DNM3: variants seen among roughly 807,000 people sequenced by gnomAD.
The protein encoded by DNM3 is dynamin-3.
DNM3 carries 47 observed loss-of-function variants against 101.6 expected under a neutral mutation model. That is an observed-to-expected ratio of 0.46 (90% CI 0.37 to 0.59). DNM3 has a LOEUF of 0.59. Ranked by LOEUF, DNM3 falls within the 20% of genes least tolerant of loss-of-function variation. The probability of loss-of-function intolerance (pLI) is 0.00; values close to 1 mark genes in which losing one functional copy is unlikely to be tolerated. For missense variants in DNM3, 849 were observed against 1,085.7 expected, an observed-to-expected ratio of 0.78 and a Z score of 3.06; for synonymous variants, 385 against 387.9, an observed-to-expected ratio of 0.99 and a Z score of 0.09.
chr1:172,338,981 A>G, intron 17 of DNM3: 1 of 433,656 alleles, frequency 2.3e-6, no homozygotes, highest in Non-Finnish European at 4.5e-6. Context: ...AATAATATTA[A>G]CTTGTTCAAA....
rs539947753 is a variant in DNM3, at chr1:172,364,136, T to C, written c.1894-14882T>C. On this transcript the variant is annotated intron_variant, in intron 17 of 20. Coordinates refer to ENST00000627582, the MANE Select transcript of DNM3 (RefSeq NM_015569.5). ...TTAGGTGCAGAAACTGTGCTGTGAC[T>C]TTCCCTTTAATCTCCAAAGAAACCT... Among the ~76,000 whole-genome samples, 7 of 152,074 alleles carry C rather than the reference T, an allele frequency of 4.6e-5. No homozygotes were observed. The South Asian group carries it at 1.4e-3, about 31-fold the overall frequency.
At chr1:172,197,502 A>G (rs181398545) in intron 14 of DNM3, among the ~76,000 whole-genome samples, 7 of 152,264 alleles carry the variant, frequency 4.6e-5, no homozygotes, top group Middle Eastern at 3.4e-3. Context: ...TTTGGGCAGT[A>G]TAACCATTTT....
At chr1:171,956,728 A>T (rs2042884034) in intron 2 of DNM3, among the ~76,000 whole-genome samples, 1 of 152,156 alleles carries the variant, frequency 6.6e-6, no homozygotes, top group Non-Finnish European at 1.5e-5. Flanking sequence ...GAGGTTCTCC[A>T]TGAGGGCCCT....
intron 10 of DNM3, among the ~76,000 whole-genome samples, chr1:172,051,546 A>C (rs1205101211): frequency 6.6e-6 from 1 of 152,162 alleles, no homozygotes; most frequent in Non-Finnish European, 1.5e-5. Context: ...TTTACTAGGA[A>C]ATTGTAAACC....
At chr1:171,936,331 A>C (rs1023985482) in intron 2 of DNM3, among the ~76,000 whole-genome samples, 1 of 149,642 alleles carries the variant, frequency 6.7e-6, no homozygotes, top group Non-Finnish European at 1.5e-5. Context: ...AGCCTAGGTG[A>C]CAGAGTGAGA....
At chr1:171,883,534 C>G (rs1020486560) in intron 1 of DNM3, among the ~76,000 whole-genome samples, 1 of 151,542 alleles carries the variant, frequency 6.6e-6, no homozygotes, top group African/African-American at 2.4e-5. Context: ...TGTAATAGCG[C>G]GATCTCGGCT....
intron 1 of DNM3, among the ~76,000 whole-genome samples, chr1:171,881,704 A>G (rs2036282995): frequency 6.6e-6 from 1 of 152,240 alleles, no homozygotes. Context: ...GCTAACACCC[A>G]GAGTGTCTGA....
chr1:172,212,368 C>T (rs1201421019), intron 14 of DNM3, among the ~76,000 whole-genome samples: 1 of 152,124 alleles, frequency 6.6e-6, no homozygotes, highest in African/African-American at 2.4e-5. Flanking sequence ...TCATATGAGC[C>T]AATTGTCAGG....
At chr1:171,897,456 A>G (rs750570572) in intron 1 of DNM3, among the ~76,000 whole-genome samples, 1 of 152,198 alleles carries the variant, frequency 6.6e-6, no homozygotes, top group Non-Finnish European at 1.5e-5. Context: ...CTACTCCACA[A>G]ATGTCAAGGA....
chr1:171,994,965 G>A (rs1441234244), intron 4 of DNM3, among the ~76,000 whole-genome samples: 1 of 151,822 alleles, frequency 6.6e-6, no homozygotes, highest in African/African-American at 2.4e-5. Flanking sequence ...TCCCCTCCAG[G>A]GGTTTCTAGG....
At chr1:172,365,324 A>G (rs567207388) in intron 17 of DNM3, among the ~76,000 whole-genome samples, 1 of 152,044 alleles carries the variant, frequency 6.6e-6, no homozygotes, top group South Asian at 2.1e-4. Context: ...AAGGTTGGCC[A>G]TGTGGTGAAT....
At chr1:171,914,775 A>G (rs1040432055) in intron 1 of DNM3, among the ~76,000 whole-genome samples, 1 of 152,206 alleles carries the variant, frequency 6.6e-6, no homozygotes, top group East Asian at 1.9e-4. Context: ...TTATGACTAT[A>G]TGGAACAATG....
intron 12 of DNM3, among the ~76,000 whole-genome samples, chr1:172,085,914 C>T (rs16843816): frequency 0.037 from 5,607 of 152,082 alleles, 250 homozygotes; most frequent in East Asian, 0.14. Flanking sequence ...GGAATCAAAA[C>T]TTAGGTATTG....
intron 17 of DNM3, among the ~76,000 whole-genome samples, chr1:172,351,622 T>G (rs912320284): frequency 6.6e-6 from 1 of 152,308 alleles, no homozygotes; most frequent in Middle Eastern, 3.4e-3. Flanking sequence ...AAAATAAGTT[T>G]GGATGTTTTC....
chr1:171,872,970 G>A (rs1424234897), intron 1 of DNM3, among the ~76,000 whole-genome samples: 1 of 152,162 alleles, frequency 6.6e-6, no homozygotes, highest in Admixed American at 6.5e-5. Context: ...TAAGATTGAA[G>A]GAGGAGCAGA....
chr1:171,941,548 C>T (rs1027857835), intron 2 of DNM3, among the ~76,000 whole-genome samples: 1 of 152,182 alleles, frequency 6.6e-6, no homozygotes, highest in Non-Finnish European at 1.5e-5. Flanking sequence ...CCCTCTTCCT[C>T]TTTGTGCCGC....
intron 15 of DNM3, among the ~76,000 whole-genome samples, chr1:172,262,564 C>G (rs1299073471): frequency 6.6e-6 from 1 of 152,222 alleles, no homozygotes; most frequent in Non-Finnish European, 1.5e-5. Context: ...TCCAGACCCT[C>G]AGCTGATCCA....
chr1:172,353,255 A>C lies in DNM3; in HGVS notation c.1894-25763A>C, dbSNP rs547825338. Among the ~76,000 whole-genome samples, 11 of 152,284 alleles carry C rather than the reference A, an allele frequency of 7.2e-5. No homozygotes were observed. In the South Asian group the frequency reaches 1.9e-3, roughly 26 times the overall value. Reference sequence around the variant, plus strand: ...TCACTCTCTGATACATTCTTTCTGCATTCCATGGAATATATAGATTTGACT... The same window carrying C: ...TCACTCTCTGATACATTCTTTCTGCCTTCCATGGAATATATAGATTTGACT... On this transcript the variant is annotated intron_variant, in intron 17 of 20. Transcript: ENST00000627582.
intron 14 of DNM3, among the ~76,000 whole-genome samples, chr1:172,150,872 A>T (rs2058101339): frequency 6.6e-6 from 1 of 152,192 alleles, no homozygotes; most frequent in South Asian, 2.1e-4. Flanking sequence ...GGATTGTTTT[A>T]AAAACACTGT....
Sources: allele counts gnomAD v4.1 joint callset (sites outside exome capture counted in the v4.1 genomes callset), GRCh38; gene constraint gnomAD v4.1.1; transcripts MANE v1.5; gene names NCBI Gene and HGNC (gene_info 2026-07-23, HGNC 2026-07-21).